GRK5: variants seen among roughly 807,000 people sequenced by gnomAD.
The protein encoded by GRK5 is G protein-coupled receptor kinase 5, also known as g protein-coupled receptor kinase GRK5.
GRK5 carries 40 observed loss-of-function variants against 78.4 expected under a neutral mutation model. The ratio of observed to expected loss-of-function variants is 0.51; its 90% CI spans 0.40 to 0.66. The LOEUF is 0.66. Ranked by LOEUF, GRK5 falls within the 30% of genes least tolerant of loss-of-function variation. GRK5 has a pLI of 0.00. For missense variants in GRK5, 598 were observed against 759.9 expected (o/e 0.79, Z 2.50); for synonymous variants, 289 against 296.8 (o/e 0.97, Z 0.27).
At chr10:119,306,657 T>G (rs1850275735) in intron 1 of GRK5, among the ~76,000 whole-genome samples, 1 of 152,162 alleles carries the variant, frequency 6.6e-6, no homozygotes, top group South Asian at 2.1e-4. Context: ...TTCTGCTGAC[T>G]TCTCCTGGGG....
intron 1 of GRK5, among the ~76,000 whole-genome samples, chr10:119,257,344 C>G (rs1046861072): frequency 5.3e-5 from 8 of 152,214 alleles, no homozygotes; most frequent in African/African-American, 1.9e-4. Context: ...CTCCCATAGG[C>G]CCCCCTGTCT....
In GRK5 at chr10:119,238,992, A is replaced by T. The variant is rs950130878; in HGVS notation, c.52+31023A>T. 6.6e-6 allele frequency among the ~76,000 whole-genome samples: 1 copy of T among 152,094 alleles called. No homozygotes were observed. Among genetic ancestry groups the T allele is most frequent in the Admixed American group, 6.6e-5 (1 of 15,258 alleles). On this transcript the variant is annotated intron_variant, in intron 1 of 15. Transcript: ENST00000392870. The surrounding 1 kb of genome is among the most constrained non-coding windows in gnomAD (Gnocchi z 4.7). Reference sequence around the variant, plus strand: ...CGTGATTTTTCATTTAATTATATATATAGTTTTCTTTTTTGTAATCTAAAT... The same window carrying T: ...CGTGATTTTTCATTTAATTATATATTTAGTTTTCTTTTTTGTAATCTAAAT...
At chr10:119,394,311 C>CT (rs1564916991) in intron 3 of GRK5, among the ~76,000 whole-genome samples, 3 of 6,106 alleles carry the variant, frequency 4.9e-4, no homozygotes, top group Admixed American at 1.5e-3. Flanking sequence ...TCTGTGTGGG[C>CT]ACGTGGGTGT....
intron 2 of GRK5, among the ~76,000 whole-genome samples, chr10:119,345,032 C>A (rs1217708524): frequency 6.6e-6 from 1 of 151,564 alleles, no homozygotes; most frequent in Non-Finnish European, 1.5e-5. Context: ...GCAGTGGCGC[C>A]ATCTCGGCTC....
intron 3 of GRK5, among the ~76,000 whole-genome samples, chr10:119,394,746 T>G (rs1243518703): frequency 1.0e-5 from 1 of 95,890 alleles, no homozygotes; most frequent in South Asian, 3.4e-4. Context: ...GGTGTGTGTG[T>G]GTCTGTGTGT....
At chr10:119,251,050 C>A (rs1011175388) in intron 1 of GRK5, among the ~76,000 whole-genome samples, 5 of 152,130 alleles carry the variant, frequency 3.3e-5, no homozygotes, top group Non-Finnish European at 5.9e-5. Context: ...GAAAATGTTT[C>A]TGGTTTTGTG....
At chr10:119,256,924 A>G (rs1375694357) in intron 1 of GRK5, among the ~76,000 whole-genome samples, 1 of 152,198 alleles carries the variant, frequency 6.6e-6, no homozygotes, top group Non-Finnish European at 1.5e-5. Flanking sequence ...GCAACCGCCA[A>G]TCTGGGTTGT....
At chr10:119,247,679 T>A (rs879464312) in intron 1 of GRK5, among the ~76,000 whole-genome samples, 3 of 152,218 alleles carry the variant, frequency 2.0e-5, no homozygotes, top group Non-Finnish European at 4.4e-5. Flanking sequence ...CTGGAAAAAA[T>A]GTCTTTGTCC....
At chr10:119,435,926 AGGCACTTCTTACAT>A (rs1852909839) in intron 8 of GRK5, among the ~76,000 whole-genome samples, 1 of 152,220 alleles carries the variant, frequency 6.6e-6, no homozygotes, top group Non-Finnish European at 1.5e-5. Flanking sequence ...AGAAGGTGAA[AGGCACTTCTTACAT>A]GGCGGTAGCA....
intron 2 of GRK5, chr10:119,335,971 T>G (rs1314196304): frequency 6.6e-6 from 1 of 152,424 alleles, no homozygotes; most frequent in Admixed American, 6.5e-5. Flanking sequence ...AGGCCATCAT[T>G]GTCATCAGCA....
chr10:119,317,383 T>C lies in GRK5; in HGVS notation c.53-9133T>C, dbSNP rs966717828. 4.3e-3 allele frequency among the ~76,000 whole-genome samples: 573 copies of C among 132,068 alleles called. 1 individual carries two copies. Among genetic ancestry groups the C allele is most frequent in the African/African-American group, 0.015 (528 of 35,676 alleles). 86.6% of individuals were successfully genotyped at this position (132,068 alleles called of 152,430 possible). A position where few individuals can be genotyped will look rare whatever the true frequency, so the allele number is the denominator to read the frequency against. On this transcript the variant is annotated intron_variant, in intron 1 of 15. Coordinates refer to ENST00000392870, the MANE Select transcript of GRK5 (RefSeq NM_005308.3). ...GTGTGTGTGTGTGTGTGTGTGTGTG[T>C]GCCCAAAATAGGTGTGAGGCTTGAG...
intron 1 of GRK5, among the ~76,000 whole-genome samples, chr10:119,247,680 G>T (rs903343301): frequency 6.6e-6 from 1 of 152,188 alleles, no homozygotes; most frequent in Non-Finnish European, 1.5e-5. Context: ...TGGAAAAAAT[G>T]TCTTTGTCCT....
At chr10:119,279,777 C>G (rs550817562) in intron 1 of GRK5, among the ~76,000 whole-genome samples, 1 of 152,368 alleles carries the variant, frequency 6.6e-6, no homozygotes, top group Non-Finnish European at 1.5e-5. Flanking sequence ...CTAGTGAGTG[C>G]TCTCCCTCGA....
In GRK5 at chr10:119,328,605, C is replaced by G. The variant is rs551101548; in HGVS notation, c.148+1994C>G. Among the ~76,000 whole-genome samples, 7 of 152,338 alleles carry G rather than the reference C, an allele frequency of 4.6e-5. No homozygotes were observed. In the South Asian group the frequency reaches 1.5e-3, roughly 32 times the overall value. On this transcript the variant is annotated intron_variant, in intron 2 of 15. Transcript: ENST00000392870. Reference sequence around the variant, plus strand: ...TTCTCCCAAAAGAGGGATGTTACCTCACAACCCATTCACTGTGGCCCCAGG... The same window carrying G: ...TTCTCCCAAAAGAGGGATGTTACCTGACAACCCATTCACTGTGGCCCCAGG...
At chr10:119,371,512 T>G (rs1006024276) in intron 2 of GRK5, among the ~76,000 whole-genome samples, 2 of 152,332 alleles carry the variant, frequency 1.3e-5, no homozygotes, top group African/African-American at 4.8e-5. Context: ...GTATGAGTCT[T>G]GAAGGAATTG....
chr10:119,338,815 A>G (rs150087100), intron 2 of GRK5, among the ~76,000 whole-genome samples: 2 of 152,250 alleles, frequency 1.3e-5, no homozygotes, highest in African/African-American at 4.8e-5. Flanking sequence ...TTTCAAATGA[A>G]TAAATGTGAA....
intron 8 of GRK5, among the ~76,000 whole-genome samples, chr10:119,432,412 C>T (rs541390352): frequency 6.3e-4 from 96 of 152,328 alleles, no homozygotes; most frequent in Non-Finnish European, 1.2e-3. Context: ...CGTGCCACTG[C>T]ACCCCAGCCT....
chr10:119,427,091 G>A (rs11813280), intron 6 of GRK5, among the ~76,000 whole-genome samples: 2,690 of 149,594 alleles, frequency 0.018, 79 homozygotes, highest in African/African-American at 0.06. Context: ...CAGCATCACC[G>A]CCATCATCAG....
intron 1 of GRK5, among the ~76,000 whole-genome samples, chr10:119,236,141 C>T (rs1284960357): frequency 1.3e-5 from 2 of 152,088 alleles, no homozygotes; most frequent in Non-Finnish European, 2.9e-5. Flanking sequence ...TTTGGGAGGC[C>T]GAGGCAGGCT....
Sources: gnomAD v4.1 joint callset for allele counts (sites outside exome capture counted in the v4.1 genomes callset) on GRCh38, gnomAD v4.1.1 for gene constraint, Gnocchi (gnomAD v3.1) non-coding constraint, MANE v1.5 for transcripts, NCBI Gene and HGNC (gene_info 2026-07-23, HGNC 2026-07-21) for gene names.